The following PWWP2A variants were observed in gnomAD, a reference collection of about 807,000 sequenced individuals.
The protein encoded by PWWP2A is PWWP domain containing 2A.
A neutral mutation model predicts 48.5 loss-of-function variants in PWWP2A; 18 were observed. That is an observed-to-expected ratio of 0.37 (90% CI 0.26 to 0.55). PWWP2A has a LOEUF of 0.55. Ranked by LOEUF, PWWP2A falls within the 20% of genes least tolerant of loss-of-function variation. The pLI is 0.81. For synonymous variants in PWWP2A, 396 were observed against 387.7 expected (o/e 1.02, Z -0.25); for missense variants, 867 against 976.4 (o/e 0.89, Z 1.49).
At chr5:160,117,939 G>C in intron 1 of PWWP2A, 1 of 914,018 alleles carries the variant, frequency 1.1e-6, no homozygotes, top group Non-Finnish European at 1.3e-6. Flanking sequence ...CAAAAGAAGA[G>C]AATAAAAAGG....
chr5:160,051,766 A>G, the PWWP2A span, among the ~76,000 whole-genome samples: 1 of 152,216 alleles, frequency 6.6e-6, no homozygotes, highest in Non-Finnish European at 1.5e-5. Context: ...CCCACGAGCA[A>G]TCTGCTTAAG....
chr5:160,112,126 C>CAAAAA (rs11480893), intron 1 of PWWP2A, among the ~76,000 whole-genome samples: 105 of 90,846 alleles, frequency 1.2e-3, no homozygotes, highest in African/African-American at 4.6e-3. Flanking sequence ...GACCCTTTCT[C>CAAAAA]AAAAAAAAAA....
At chr5:160,047,549 C>T in the PWWP2A span, among the ~76,000 whole-genome samples, 12 of 152,286 alleles carry the variant, frequency 7.9e-5, no homozygotes, top group Admixed American at 5.9e-4. Flanking sequence ...TTGCCCCACC[C>T]GCCAACACTA....
chr5:160,086,334 C>A (rs1000792440), intron 2 of PWWP2A, among the ~76,000 whole-genome samples: 2 of 151,796 alleles, frequency 1.3e-5, no homozygotes, highest in African/African-American at 4.8e-5. Context: ...GCCTGGGCAA[C>A]ATAGTGTGAC....
chr5:160,086,479 T>A (rs1190834842), downstream of PWWP2A, among the ~76,000 whole-genome samples: 1 of 152,184 alleles, frequency 6.6e-6, no homozygotes, highest in African/African-American at 2.4e-5. Flanking sequence ...ATTATACCCC[T>A]ACAGTCTAGC....
intron 1 of PWWP2A, chr5:160,108,487 G>A (rs955293881): frequency 6.6e-6 from 5 of 757,538 alleles, no homozygotes; most frequent in African/African-American, 3.6e-5. Context: ...CATACTACTT[G>A]AGGGCCTAAG....
intron 1 of PWWP2A, among the ~76,000 whole-genome samples, chr5:160,106,420 G>GCA (rs1756900342): frequency 6.6e-6 from 1 of 152,078 alleles, no homozygotes; most frequent in Admixed American, 6.6e-5. Context: ...ACAGGACTTA[G>GCA]CACAGAAATT....
downstream of PWWP2A, among the ~76,000 whole-genome samples, chr5:160,071,116 G>C (rs1263161436): frequency 6.6e-6 from 1 of 152,198 alleles, no homozygotes; most frequent in East Asian, 1.9e-4. Flanking sequence ...CAGAGCCCAG[G>C]AAGTCAAGGC....
chr5:160,112,662 G>C (rs1287191378), intron 1 of PWWP2A, among the ~76,000 whole-genome samples: 1 of 151,750 alleles, frequency 6.6e-6, no homozygotes, highest in African/African-American at 2.4e-5. Flanking sequence ...AACAAACCAG[G>C]GTAGTACAGG....
At position 160,082,961 on chromosome 5, in the gene PWWP2A, G is replaced by A. The variant is rs1277312110; in HGVS notation, c.1550-2191C>T. Among the ~76,000 whole-genome samples the A allele has an allele frequency of 3.9e-5, 6 of 152,128 alleles. No individual in the cohort carries two copies. In the South Asian group the frequency reaches 6.2e-4, roughly 16 times the overall value. Reference sequence around the variant, plus strand: ...GGTAACCCTCAATCTCCCTCTTAGCGTGCACGAAAGAAGTAGAGTTTATGC... The same window carrying A: ...GGTAACCCTCAATCTCCCTCTTAGCATGCACGAAAGAAGTAGAGTTTATGC... On this transcript the variant is annotated intron_variant, in intron 2 of 3. Coordinates refer to the PWWP2A transcript ENST00000456329.
the PWWP2A span, among the ~76,000 whole-genome samples, chr5:160,056,137 C>CT: frequency 1.3e-5 from 2 of 152,194 alleles, no homozygotes; most frequent in Middle Eastern, 3.2e-3. Flanking sequence ...AGAGCAGTTA[C>CT]TTGAAACTTA....
Position 160,119,325 on chromosome 5 carries a change from C to T in PWWP2A, c.64G>A (p.Glu22Lys), listed in dbSNP as rs1758482986. The change falls in exon 1 of 2, where the codon GAG becomes AAG. Residue 22 changes from glutamate to lysine, a missense_variant. Around this residue, in one of 4 missense-constraint regions of PWWP2A, gnomAD observed 385 missense variants for 396.9 expected, o/e 0.97. Coordinates refer to ENST00000307063, the MANE Select transcript of PWWP2A (RefSeq NM_001130864.2). ...AASPGEGGAG[E>K]AEPEMEPIPG... ...ATGGGCTCCATCTCCGGCTCGGCCT[C>T]GCCGGCGCCCCCCTCCCCGGGGGAC... 2 of 1,388,748 alleles carry T rather than the reference C, an allele frequency of 1.4e-6. No individual in the cohort carries two copies. The highest frequency in any genetic ancestry group is 1.6e-5 in the South Asian group (1 of 62,572). 86.0% of individuals were successfully genotyped at this position (1,388,748 alleles called of 1,614,324 possible).
At position 160,104,346 on chromosome 5, in the gene PWWP2A, G is replaced by A. The variant is rs181675374; in HGVS notation, c.585-10281C>T. ...CTTGGGAGGCTGAGGTGAAAGGATCGCTTGAGCCCAGAAGGTTAAGCCTGA... is the reference window on the plus strand; with the variant it reads ...CTTGGGAGGCTGAGGTGAAAGGATCACTTGAGCCCAGAAGGTTAAGCCTGA... On this transcript the variant is annotated intron_variant, in intron 1 of 1. Coordinates refer to ENST00000307063, the MANE Select transcript of PWWP2A (RefSeq NM_001130864.2). 4.0e-3 allele frequency among the ~76,000 whole-genome samples: 608 copies of A among 151,382 alleles called. 9 individuals are homozygous for A. Among genetic ancestry groups the A allele is most frequent in the Non-Finnish European group, 2.2e-3 (149 of 67,890 alleles).
At position 160,092,772 on chromosome 5, in the gene PWWP2A, C is replaced by T; in HGVS notation, c.1878G>A (p.Glu626=). The change falls in exon 2 of 2, where the codon GAG becomes GAA. Residue 626 remains glutamate, a synonymous_variant. Coordinates refer to ENST00000307063, the MANE Select transcript of PWWP2A (RefSeq NM_001130864.2). Reference sequence around the variant, plus strand: ...TTTTCAAGGAATTACTGAGCTTTTTCTCTTCCTTTGAAGAGGAGGAAGTGG... The same window carrying T: ...TTTTCAAGGAATTACTGAGCTTTTTTTCTTCCTTTGAAGAGGAGGAAGTGG... ...TSSTSSSSKE[E]KKLSNSLKMK... 2.6e-6 allele frequency: 4 copies of T among 1,551,576 alleles called. No individual in the cohort carries two copies. Among genetic ancestry groups the T allele is most frequent in the Non-Finnish European group, 2.6e-6 (3 of 1,146,944 alleles).
chr5:160,067,277 T>G (rs531801639), intron 2 of PWWP2A, among the ~76,000 whole-genome samples: 2 of 152,114 alleles, frequency 1.3e-5, no homozygotes, highest in Non-Finnish European at 2.9e-5. Context: ...ACAGTTTTCA[T>G]AAGACAAAAT....
At chr5:160,058,512 G>A (rs534082262), downstream of PWWP2A, among the ~76,000 whole-genome samples, 2 of 150,074 alleles carry the variant, frequency 1.3e-5, no homozygotes, top group African/African-American at 2.4e-5. Flanking sequence ...CTGGGTTCAC[G>A]CCATTCTCCT....
chr5:160,116,923 T>C (rs1758197630), intron 1 of PWWP2A: 2 of 191,954 alleles, frequency 1.0e-5, no homozygotes, highest in African/African-American at 2.4e-5. Context: ...TGAAACCCCA[T>C]CTCTACTAAA....
downstream of PWWP2A, chr5:160,089,403 C>T (rs1289002522): frequency 4.9e-6 from 2 of 411,236 alleles, no homozygotes; most frequent in Admixed American, 4.7e-5. Flanking sequence ...GCAGCGGGGA[C>T]GGGGGTCTAT....
downstream of PWWP2A, among the ~76,000 whole-genome samples, chr5:160,058,047 G>A (rs112172691): frequency 0.041 from 6,250 of 152,316 alleles, 156 homozygotes; most frequent in East Asian, 0.12. Flanking sequence ...GATTATAGGC[G>A]TGAGCCACTG....
Sources: allele counts gnomAD v4.1 joint callset (sites outside exome capture counted in the v4.1 genomes callset), GRCh38; gene constraint gnomAD v4.1.1; regional missense constraint gnomAD v4.1.1; transcripts MANE v1.5; gene names NCBI Gene and HGNC (gene_info 2026-07-23, HGNC 2026-07-21).